Variants in PML observed in about 807,000 individuals in gnomAD.
PML encodes the protein protein PML.
A neutral mutation model predicts 65.2 loss-of-function variants in PML; 28 were observed. That is an observed-to-expected ratio of 0.43 (90% CI 0.32 to 0.59). The LOEUF is 0.59. Among genes scored for constraint, PML ranks in the 20% least tolerant of loss-of-function variants. The probability of loss-of-function intolerance (pLI) is 0.08; values close to 1 mark genes in which losing one functional copy is unlikely to be tolerated. For synonymous variants in PML, 500 were observed against 508.8 expected (o/e 0.98, Z 0.23); for missense variants, 1,021 against 1,203.4 (o/e 0.85, Z 2.24).
intron 2 of PML, among the ~76,000 whole-genome samples, chr15:74,001,548 C>T (rs2069763748): frequency 6.6e-6 from 1 of 152,004 alleles, no homozygotes; most frequent in Admixed American, 6.6e-5. Flanking sequence ...CCCATGTTGA[C>T]CAGGCTGGTC....
At position 74,037,530 on chromosome 15, in the gene PML, C is replaced by T. The variant is rs115877841; in HGVS notation, c.1710+3000C>T. Reference sequence around the variant, plus strand: ...ACCCACTTCTCTCTCCAGCTGTCGGCTCCCCTTCCTCTGCTCTCCTTGTTT... The same window carrying T: ...ACCCACTTCTCTCTCCAGCTGTCGGTTCCCCTTCCTCTGCTCTCCTTGTTT... On this transcript the variant is annotated intron_variant, in intron 7 of 8. Coordinates refer to ENST00000268058, the MANE Select transcript of PML (RefSeq NM_033238.3). This position sits in a 1 kb window ranked among gnomAD's most constrained non-coding sequence, Gnocchi z 4.2. The T allele has an allele frequency of 1.3e-3, 1,243 of 985,398 alleles. 16 individuals are homozygous for T. In the African/African-American group the frequency reaches 0.02, roughly 16 times the overall value. 61.0% of individuals were successfully genotyped at this position (985,398 alleles called of 1,614,324 possible).
At chr15:74,033,663 C>T (rs2071419450) in intron 6 of PML, 2 of 667,852 alleles carry the variant, frequency 3.0e-6, no homozygotes, top group African/African-American at 1.8e-5. Flanking sequence ...AGTCCTTTCT[C>T]CCAAACACTA....
chr15:74,030,231 A>G (rs1260749401), intron 4 of PML, among the ~76,000 whole-genome samples: 2 of 152,190 alleles, frequency 1.3e-5, no homozygotes, highest in Non-Finnish European at 2.9e-5. Context: ...CTCATTTTCA[A>G]TAATCGGTCC....
At position 74,044,927 on chromosome 15, in the gene PML, TC is replaced by T; in HGVS notation, c.2570del (p.Pro857ArgfsTer31). 1.2e-6 allele frequency: 2 copies of T among 1,613,118 alleles called. No individual in the cohort carries two copies. Among genetic ancestry groups the T allele is most frequent in the Non-Finnish European group, 1.7e-6 (2 of 1,179,946 alleles). ...GTYFEGLLEG[P>X]ALARAEGVST... ...CCTACTTTGAAGGCCTGTTGGAGGG[TC>T]CGGCGCTGGCACGGGCAGAAGGAGT... is the stretch of plus-strand genomic sequence containing the variant. On this transcript the variant is annotated frameshift_variant, in exon 9 of 9. Transcript: ENST00000268058. LOFTEE classifies it low-confidence loss of function (END_TRUNC).
chr15:74,001,867 G>A (rs994619664), intron 2 of PML, among the ~76,000 whole-genome samples: 8 of 152,024 alleles, frequency 5.3e-5, no homozygotes, highest in Non-Finnish European at 1.0e-4. Context: ...AGGCATGGTC[G>A]GTGGTACATG....
rs753248960 is a variant in PML at position 74,043,915 on chromosome 15, T to G, written c.1862-306T>G. On this transcript the variant is annotated intron_variant, in intron 8 of 8. Transcript: ENST00000268058. This position sits in a 1 kb window ranked among gnomAD's most constrained non-coding sequence, Gnocchi z 4.3. ...CTCTAGTATAGGTGGCTGAGGCTGA[T>G]AGAAGACAGGAGGGACCTGTATCCA... 2.0e-5 allele frequency among the ~76,000 whole-genome samples: 3 copies of G among 152,114 alleles called. No homozygotes were observed. Among genetic ancestry groups the G allele is most frequent in the Non-Finnish European group, 4.4e-5 (3 of 68,010 alleles).
chr15:74,009,179 TG>T (rs1427863812), intron 2 of PML, among the ~76,000 whole-genome samples: 1 of 152,214 alleles, frequency 6.6e-6, no homozygotes, highest in Non-Finnish European at 1.5e-5. Flanking sequence ...TGTCTGCGTC[TG>T]GGTGTCAGAT....
chr15:74,022,943 C>A lies in PML; in HGVS notation c.718C>A (p.Leu240Met), dbSNP rs1433142701. Residue 240 changes from leucine to methionine, a missense_variant, in exon 3 of 9, where the codon CTG becomes ATG. Leu to Met is a conservative substitution (Grantham distance 15). Transcript: ENST00000268058. ...SAEIQQRQEELDAMTQALQEQ... is the reference protein window; with the variant it reads ...SAEIQQRQEEMDAMTQALQEQ... The stretch of plus-strand genomic sequence containing the variant: ...AGAGATCCAGCAGCGACAGGAGGAG[C>A]TGGACGCCATGACGCAGGCGCTGCA... 2.5e-6 allele frequency: 4 copies of A among 1,611,636 alleles called. No individual in the cohort carries two copies. The highest frequency in any genetic ancestry group is 8.5e-7 in the Non-Finnish European group (1 of 1,179,164).
At chr15:74,019,567 A>G (rs910727056) in intron 2 of PML, among the ~76,000 whole-genome samples, 5 of 152,198 alleles carry the variant, frequency 3.3e-5, no homozygotes, top group Non-Finnish European at 5.9e-5. Context: ...ATTAATTTGC[A>G]TGTCCTTTTA....
intron 2 of PML, among the ~76,000 whole-genome samples, chr15:74,008,058 G>T (rs149371109): frequency 6.6e-6 from 1 of 152,326 alleles, no homozygotes; most frequent in African/African-American, 2.4e-5. Context: ...AGGCACAAAG[G>T]TGGCTGAGCT....
intron 2 of PML, among the ~76,000 whole-genome samples, chr15:74,019,888 G>A (rs955877926): frequency 2.0e-5 from 3 of 152,146 alleles, no homozygotes; most frequent in African/African-American, 4.8e-5. Flanking sequence ...ATAGTATTCC[G>A]TTGTATGGGT....
chr15:74,001,471 C>T (rs997202738), intron 2 of PML, among the ~76,000 whole-genome samples: 8 of 152,034 alleles, frequency 5.3e-5, no homozygotes, highest in African/African-American at 1.9e-4. Context: ...TCCCCAGTAG[C>T]TGAGACTACA....
At chr15:74,033,946 G>A (rs1185746467) in intron 6 of PML, 2 of 345,896 alleles carry the variant, frequency 5.8e-6, no homozygotes. Context: ...TCTGGAACAA[G>A]AGAGTTCTAA....
chr15:74,040,437 G>A lies in PML; in HGVS notation c.1711-2552G>A, dbSNP rs375791105. ...TGACTGTCCCTCTCTATGCTCCCCCGACACCCAGTTATCCTAATTTGCGGA... is the reference window on the plus strand; with the variant it reads ...TGACTGTCCCTCTCTATGCTCCCCCAACACCCAGTTATCCTAATTTGCGGA... On this transcript the variant is annotated intron_variant, in intron 7 of 8. Transcript: ENST00000268058. Among the ~76,000 whole-genome samples the A allele has an allele frequency of 3.9e-5, 6 of 152,210 alleles. No individual in the cohort carries two copies. The South Asian group carries it at 8.3e-4, about 21-fold the overall frequency.
Position 73,994,778 on chromosome 15 carries a change from G to T in PML, c.-35G>T. 4 of 1,550,782 alleles carry T rather than the reference G, an allele frequency of 2.6e-6. No individual in the cohort carries two copies. The highest frequency in any genetic ancestry group is 3.5e-6 in the Non-Finnish European group (4 of 1,146,860). On this transcript the variant is annotated 5_prime_UTR_variant, in exon 1 of 9. Transcript: ENST00000268058. ...TTCAGCTTCTCTTCACGCACTCCAA[G>T]ATCTAAACCGAGAATCGAAACTAAG...
chr15:74,000,850 A>G (rs1443838738), intron 2 of PML, among the ~76,000 whole-genome samples: 1 of 152,218 alleles, frequency 6.6e-6, no homozygotes, highest in Admixed American at 6.5e-5. Flanking sequence ...TGCCTGGCAC[A>G]TATTAAATAC....
In PML at chr15:74,044,417, C is replaced by G; in HGVS notation, c.2058C>G (p.Asn686Lys). The change falls in exon 9 of 9, where the codon AAC becomes AAG. Residue 686 changes from asparagine (N) to lysine (K), a missense_variant. By Grantham distance (94) the Asn-to-Lys change is moderately conservative. Coordinates refer to ENST00000268058, the MANE Select transcript of PML (RefSeq NM_033238.3). ...AGCTGTGGGGGCCTGGCCTCCCAAA[C>G]TTCTTCCGGGCCCTGGAGGACATTA... is the stretch of plus-strand genomic sequence containing the variant. ...CYKLWGPGLP[N>K]FFRALEDINR... 1 of 1,614,208 alleles carries G rather than the reference C, an allele frequency of 6.2e-7. No individual in the cohort carries two copies. Among genetic ancestry groups the G allele is most frequent in the Non-Finnish European group, 8.5e-7 (1 of 1,180,034 alleles).
chr15:74,015,721 C>T (rs1487978711), intron 2 of PML, among the ~76,000 whole-genome samples: 1 of 152,212 alleles, frequency 6.6e-6, no homozygotes, highest in Non-Finnish European at 1.5e-5. Context: ...CCAGAATGTC[C>T]AATGACTACA....
At chr15:74,008,603 G>A (rs992387595) in intron 2 of PML, among the ~76,000 whole-genome samples, 2 of 152,152 alleles carry the variant, frequency 1.3e-5, no homozygotes, top group African/African-American at 4.8e-5. Context: ...GCCGGGCGTG[G>A]TGGCGGGTGC....
Sources: gnomAD v4.1 joint callset for allele counts (sites outside exome capture counted in the v4.1 genomes callset) on GRCh38, gnomAD v4.1.1 for gene constraint, Gnocchi (gnomAD v3.1) non-coding constraint, MANE v1.5 for transcripts, NCBI Gene and HGNC (gene_info 2026-07-23, HGNC 2026-07-21) for gene names.